MACROD2: variants seen among roughly 807,000 people sequenced by gnomAD.
MACROD2 encodes ADP-ribose glycohydrolase MACROD2.
Under a neutral mutation model 70.4 loss-of-function variants are expected in MACROD2, and 36 were observed. The observed-to-expected ratio is 0.51, with a 90% confidence interval of 0.39 to 0.68. The LOEUF (loss-of-function observed/expected upper bound fraction) is 0.68, where lower values mean the gene tolerates loss of function less well. Ranked by LOEUF, MACROD2 falls within the 30% of genes least tolerant of loss-of-function variation. The pLI, the probability that MACROD2 is intolerant of heterozygous loss-of-function variation, is 0.00. For synonymous variants in MACROD2, 172 were observed against 178.8 expected (o/e 0.96, Z 0.30); for missense variants, 496 against 538.4 (o/e 0.92, Z 0.78).
chr20:14,880,064 T>G (rs950280404), intron 5 of MACROD2, among the ~76,000 whole-genome samples: 3 of 152,126 alleles, frequency 2.0e-5, no homozygotes, highest in African/African-American at 7.2e-5. Flanking sequence ...GTGTGTTGAC[T>G]GGTGGAAAGC....
At chr20:15,053,011 A>G (rs1315112218) in intron 5 of MACROD2, among the ~76,000 whole-genome samples, 1 of 152,238 alleles carries the variant, frequency 6.6e-6, no homozygotes, top group East Asian at 1.9e-4. Flanking sequence ...ACCAAACCCT[A>G]ATCCAGAGCA....
At chr20:16,022,550 C>G (rs999414061) in intron 15 of MACROD2, among the ~76,000 whole-genome samples, 1 of 152,142 alleles carries the variant, frequency 6.6e-6, no homozygotes, top group South Asian at 2.1e-4. Flanking sequence ...TTGCAGATTA[C>G]GAGGCTCTGC....
rs10523169 is a variant in MACROD2, at chr20:15,454,406, A to AACACACAC, written c.571+23012_571+23019dup. 9.2e-3 allele frequency among the ~76,000 whole-genome samples: 1,262 copies of AACACACAC among 137,486 alleles called. 34 individuals are homozygous for AACACACAC. Among genetic ancestry groups the AACACACAC allele is most frequent in the African/African-American group, 0.033 (1,163 of 35,006 alleles). 90.2% of individuals were successfully genotyped at this position (137,486 alleles called of 152,430 possible). On this transcript the variant is annotated intron_variant, in intron 7 of 17. Transcript: ENST00000684519. The stretch of plus-strand genomic sequence containing the variant: ...ATATCCCTCTCATTTGACATATTCA[A>AACACACAC]ACACACACACACACACACACACACA...
intron 6 of MACROD2, among the ~76,000 whole-genome samples, chr20:15,419,644 C>CGAGTGGGTAATTTACTTCTCAG: frequency 6.6e-6 from 1 of 152,288 alleles, no homozygotes; most frequent in East Asian, 1.9e-4. Context: ...CTTTTAGTCT[C>CGAGTGGGTAATTTACTTCTCAG]GAGTGGGTAA....
chr20:14,391,219 A>G (rs938904714), intron 3 of MACROD2, among the ~76,000 whole-genome samples: 1 of 152,240 alleles, frequency 6.6e-6, no homozygotes, highest in Non-Finnish European at 1.5e-5. Flanking sequence ...CATGGAATCA[A>G]TCTAAATGCC....
intron 3 of MACROD2, among the ~76,000 whole-genome samples, chr20:14,112,915 A>G (rs939998631): frequency 5.9e-5 from 9 of 151,982 alleles, no homozygotes; most frequent in African/African-American, 2.2e-4. Flanking sequence ...AGAGGAACTT[A>G]CCGATTTATT....
At chr20:15,314,397 C>A (rs1305781611) in intron 6 of MACROD2, among the ~76,000 whole-genome samples, 5 of 152,056 alleles carry the variant, frequency 3.3e-5, no homozygotes, top group Admixed American at 6.6e-5. Flanking sequence ...TTGAGATCAA[C>A]CTGGGCAACA....
chr20:14,999,596 C>T (rs572811500), intron 5 of MACROD2, among the ~76,000 whole-genome samples: 18 of 152,256 alleles, frequency 1.2e-4, no homozygotes, highest in African/African-American at 4.1e-4. Context: ...CAGTGAGCCA[C>T]TGCTCCCCAA....
intron 4 of MACROD2, among the ~76,000 whole-genome samples, chr20:14,510,340 T>A (rs1488750326): frequency 2.5e-4 from 1 of 3,936 alleles, no homozygotes; most frequent in African/African-American, 2.7e-4. Flanking sequence ...AATACAAATA[T>A]AAATATTGTG....
At chr20:15,986,855 T>G (rs1461183753) in intron 14 of MACROD2, 54 bp downstream of exon 14, 1 of 1,392,682 alleles carries the variant, frequency 7.2e-7, no homozygotes, top group African/African-American at 1.4e-5. Flanking sequence ...CTGTGAATCA[T>G]GACTTCTATA....
At chr20:14,554,010 A>G (rs1978851628) in intron 4 of MACROD2, among the ~76,000 whole-genome samples, 3 of 152,208 alleles carry the variant, frequency 2.0e-5, no homozygotes, top group South Asian at 4.1e-4. Context: ...TGAATGGGCC[A>G]TTTCCCAGGT....
At chr20:15,374,851 T>C (rs752234835) in intron 6 of MACROD2, among the ~76,000 whole-genome samples, 6 of 152,232 alleles carry the variant, frequency 3.9e-5, no homozygotes, top group Non-Finnish European at 5.9e-5. Context: ...CCTTAAAAGC[T>C]ATGTTGTTTG....
rs149962654 is a variant in MACROD2, at chr20:14,375,823, C to A, written c.272-117656C>A. Among the ~76,000 whole-genome samples, 564 of 152,196 alleles carry A rather than the reference C, an allele frequency of 3.7e-3. 2 individuals are homozygous for A. The highest frequency in any genetic ancestry group is 0.012 in the African/African-American group (516 of 41,526). On this transcript the variant is annotated intron_variant, in intron 3 of 17. Transcript: ENST00000684519. ...CTGACCTGTTTTGCAGCACTTAGGG[C>A]CATTGGTTCAACAAACTGATGGAGT...
chr20:14,316,260 G>T (rs1466348112), intron 3 of MACROD2, among the ~76,000 whole-genome samples: 1 of 152,166 alleles, frequency 6.6e-6, no homozygotes. Flanking sequence ...GACTATTGAT[G>T]ACTCCAAGTC....
intron 6 of MACROD2, among the ~76,000 whole-genome samples, chr20:15,250,664 G>GCATA: frequency 6.6e-6 from 1 of 152,290 alleles, no homozygotes; most frequent in Admixed American, 6.5e-5. Context: ...GCCATCCTCT[G>GCATA]TGTTTAGGGG....
Position 15,185,314 on chromosome 20 carries a change from C to A in MACROD2, c.419-44626C>A, listed in dbSNP as rs574837864. ...TTGGTACATGAGATAATATAATATT[C>A]TTTTGAATTCTTTTCTTTCTGATGC... On this transcript the variant is annotated intron_variant, in intron 5 of 17. Coordinates refer to ENST00000684519, the MANE Select transcript of MACROD2 (RefSeq NM_001351661.2). 3.9e-5 allele frequency among the ~76,000 whole-genome samples: 6 copies of A among 152,236 alleles called. No homozygotes were observed. The South Asian group carries it at 1.2e-3, about 32-fold the overall frequency.
chr20:14,479,547 G>C (rs1186886868), intron 3 of MACROD2, among the ~76,000 whole-genome samples: 1 of 152,112 alleles, frequency 6.6e-6, no homozygotes, highest in African/African-American at 2.4e-5. Context: ...CAACTATGCT[G>C]TTCCTCCAGA....
intron 3 of MACROD2, among the ~76,000 whole-genome samples, chr20:14,266,895 T>C (rs1192201701): frequency 6.6e-6 from 1 of 152,194 alleles, no homozygotes; most frequent in Non-Finnish European, 1.5e-5. Flanking sequence ...TGAAATGGTG[T>C]TTCTGTAGAA....
At chr20:14,107,193 G>C (rs1292902534) in intron 3 of MACROD2, among the ~76,000 whole-genome samples, 1 of 152,172 alleles carries the variant, frequency 6.6e-6, no homozygotes, top group Non-Finnish European at 1.5e-5. Context: ...ATTTAACAAA[G>C]AGATTGAAAT....
Sources: gnomAD v4.1 joint callset for allele counts (sites outside exome capture counted in the v4.1 genomes callset) on GRCh38, gnomAD v4.1.1 for gene constraint, MANE v1.5 for transcripts, NCBI Gene and HGNC (gene_info 2026-07-23, HGNC 2026-07-21) for gene names.